Variants in ZSCAN1 observed in about 807,000 individuals in gnomAD.
The protein encoded by ZSCAN1 is zinc finger and SCAN domain containing 1, also known as zinc finger and SCAN domain-containing protein 1.
ZSCAN1 carries 23 observed loss-of-function variants against 23.8 expected under a neutral mutation model. The observed-to-expected ratio is 0.97, with a 90% CI of 0.70 to 1.37. The LOEUF (loss-of-function observed/expected upper bound fraction) is 1.37. Ranked by LOEUF, ZSCAN1 falls within the 40% of genes most tolerant of loss-of-function variation. ZSCAN1 has a pLI of 0.00. For missense variants in ZSCAN1, 575 were observed against 554.0 expected, an observed-to-expected ratio of 1.04 and a Z score of -0.38; for synonymous variants, 236 against 232.3, an observed-to-expected ratio of 1.02 and a Z score of -0.15.
At position 58,054,175 on chromosome 19, in the gene ZSCAN1, GAC is replaced by G. The variant is rs1346362660; in HGVS notation, c.*128_*129del. 7.7e-7 allele frequency: 1 copy of G among 1,292,488 alleles called. No individual in the cohort carries two copies. The highest frequency in any genetic ancestry group is 1.0e-6 in the Non-Finnish European group (1 of 975,336). The allele number at this position is 1,292,488 out of a possible 1,614,324, so 80.1% of individuals were successfully genotyped here. A position where few individuals can be genotyped will look rare whatever the true frequency, so the allele number is the denominator to read the frequency against. Reference sequence around the variant, plus strand: ...GGCCACCTTGGGACTCCTCTTGAAGGACACAAGCTGTTTCTCGGAAGACCCTG... The same window carrying G: ...GGCCACCTTGGGACTCCTCTTGAAGGACAAGCTGTTTCTCGGAAGACCCTG... On this transcript the variant is annotated 3_prime_UTR_variant, in exon 6 of 6. Coordinates refer to ENST00000282326, the MANE Select transcript of ZSCAN1 (RefSeq NM_182572.4). This position sits in a 1 kb window ranked among gnomAD's most constrained non-coding sequence, Gnocchi z 4.2.
rs1459031161 is a variant in ZSCAN1, at chr19:58,038,067, G to A, written c.231G>A (p.Met77Ile). Residue 77 changes from methionine (M) to isoleucine (I), a missense_variant, in exon 3 of 6, where the codon ATG becomes ATA. Coordinates refer to ENST00000282326, the MANE Select transcript of ZSCAN1 (RefSeq NM_182572.4). ...CCGAGGCGCGCTCCAAGGAGCAGAT[G>A]CTGGAGCTGCTGGTGCTGGAGCAGT... ...LRPEARSKEQ[M>I]LELLVLEQFL... The A allele has an allele frequency of 6.2e-7, 1 of 1,611,828 alleles. No individual in the cohort carries two copies. Among genetic ancestry groups the A allele is most frequent in the Admixed American group, 1.7e-5 (1 of 59,972 alleles).
chr19:58,035,999 G>A lies in ZSCAN1; in HGVS notation c.-122G>A, dbSNP rs1006532108. On this transcript the variant is annotated 5_prime_UTR_variant, in exon 2 of 6. Coordinates refer to ENST00000282326, the MANE Select transcript of ZSCAN1 (RefSeq NM_182572.4). Reference sequence around the variant, plus strand: ...CATGGGAGCCCGACACCATTTGGAGGAGATTCAGAGAAGTATGAACAGCAC... The same window carrying A: ...CATGGGAGCCCGACACCATTTGGAGAAGATTCAGAGAAGTATGAACAGCAC... 1 of 152,196 alleles carries A rather than the reference G, an allele frequency of 6.6e-6. No homozygotes were observed. The highest frequency in any genetic ancestry group is 6.5e-5 in the Admixed American group (1 of 15,274). The allele number at this position is 152,196 out of a possible 1,614,324, so 9.4% of individuals were successfully genotyped here.
intron 4 of ZSCAN1, among the ~76,000 whole-genome samples, chr19:58,048,009 A>T (rs146738824): frequency 6.6e-6 from 1 of 152,324 alleles, no homozygotes; most frequent in African/African-American, 2.4e-5. Flanking sequence ...GCCTCCAAGC[A>T]TAGGATTTGG....
chr19:58,041,380 G>C (rs1012674696), intron 4 of ZSCAN1, among the ~76,000 whole-genome samples: 1 of 152,226 alleles, frequency 6.6e-6, no homozygotes, highest in South Asian at 2.1e-4. Context: ...GCACACGCCT[G>C]AGCAGAACAA....
rs1181060603 is a variant in ZSCAN1, at chr19:58,037,870, A to T, written c.34A>T (p.Arg12Ter). The change falls in exon 3 of 6, where the codon AGA becomes TGA. Residue 12 changes from arginine to a stop codon, truncating the protein, a stop_gained. Coordinates refer to ENST00000282326, the MANE Select transcript of ZSCAN1 (RefSeq NM_182572.4). LOFTEE classifies it high-confidence loss of function. ...LPRPKAPASPRRPQTPTPSEQ... is the reference protein window; with the variant it reads ...LPRPKAPASP ...ACGGCCCAAAGCCCCTGCCTCCCCCAGACGCCCCCAGACCCCAACCCCGAG... is the reference window on the plus strand; with the variant it reads ...ACGGCCCAAAGCCCCTGCCTCCCCCTGACGCCCCCAGACCCCAACCCCGAG... 1.4e-6 allele frequency: 1 copy of T among 698,180 alleles called. No homozygotes were observed. Among genetic ancestry groups the T allele is most frequent in the Middle Eastern group, 3.2e-4 (1 of 3,116 alleles). The allele number at this position is 698,180 out of a possible 1,614,324, so 43.2% of individuals were successfully genotyped here.
intron 4 of ZSCAN1, chr19:58,046,906 CT>C: frequency 1.8e-6 from 1 of 540,918 alleles, no homozygotes; most frequent in Admixed American, 2.7e-5. Context: ...ATCAAGTAAA[CT>C]GTAATTTTCA....
chr19:58,046,677 T>A, intron 4 of ZSCAN1: 3 of 876,534 alleles, frequency 3.4e-6, no homozygotes, highest in Non-Finnish European at 3.9e-6. Flanking sequence ...TCTCCACCAG[T>A]CAGGTGGCCG....
intron 4 of ZSCAN1, chr19:58,046,483 G>T (rs1040172996): frequency 1.1e-5 from 9 of 856,540 alleles, no homozygotes; most frequent in Non-Finnish European, 1.6e-5. Flanking sequence ...GGCCAAGGGC[G>T]TGCCCATGGG....
chr19:58,052,352 G>A (rs974808824), intron 4 of ZSCAN1, 138 bp from the exon 5 acceptor site: 3 of 1,418,444 alleles, frequency 2.1e-6, no homozygotes, highest in African/African-American at 2.8e-5. Flanking sequence ...CAAAGCACGG[G>A]AACAACAGGC....
downstream of ZSCAN1, among the ~76,000 whole-genome samples, chr19:58,054,879 G>A (rs997423149): frequency 6.6e-6 from 1 of 152,126 alleles, no homozygotes; most frequent in Non-Finnish European, 1.5e-5. The surrounding 1 kb of genome is among the most constrained non-coding windows in gnomAD (Gnocchi z 4.2). Flanking sequence ...GCCAACATTT[G>A]TTTAAACCAT....
rs1377782067 is a variant in ZSCAN1 at position 58,047,024 on chromosome 19, G to A, written c.466-5466G>A. 2.0e-5 allele frequency among the ~76,000 whole-genome samples: 3 copies of A among 152,194 alleles called. No homozygotes were observed. The highest frequency in any genetic ancestry group is 1.9e-4 in the East Asian group (1 of 5,200). Reference sequence around the variant, plus strand: ...GCCACGGCCTCCTGGCTCCAGAGGCGGCTGGGCCAAGGCAGGAAGGTGCCC... The same window carrying A: ...GCCACGGCCTCCTGGCTCCAGAGGCAGCTGGGCCAAGGCAGGAAGGTGCCC... On this transcript the variant is annotated intron_variant, in intron 4 of 5. Coordinates refer to ENST00000282326, the MANE Select transcript of ZSCAN1 (RefSeq NM_182572.4). The surrounding 1 kb of genome is among the most constrained non-coding windows in gnomAD (Gnocchi z 4.9).
At chr19:58,042,206 AC>A (rs764526314) in intron 4 of ZSCAN1, among the ~76,000 whole-genome samples, 6 of 150,976 alleles carry the variant, frequency 4.0e-5, no homozygotes, top group Non-Finnish European at 8.9e-5. Context: ...AAGAGAAGTT[AC>A]TATTTATTCC....
chr19:58,038,446 G>C, intron 3 of ZSCAN1: 1 of 615,476 alleles, frequency 1.6e-6, no homozygotes, highest in Non-Finnish European at 2.8e-6. Flanking sequence ...TTTCCCATGC[G>C]TCCATCTGTC....
chr19:58,051,960 T>G (rs1024588477), intron 4 of ZSCAN1, among the ~76,000 whole-genome samples: 1 of 152,170 alleles, frequency 6.6e-6, no homozygotes, highest in African/African-American at 2.4e-5. Context: ...CGGGACACGG[T>G]TAGGTGCATC....
At chr19:58,039,770 C>CAAAAAAAA (rs67254346) in intron 3 of ZSCAN1, among the ~76,000 whole-genome samples, 1 of 83,300 alleles carries the variant, frequency 1.2e-5, no homozygotes, top group African/African-American at 4.5e-5. Context: ...GACTCCGTCT[C>CAAAAAAAA]AAAAAAAAAA....
rs1443787108 is a variant in ZSCAN1 at position 58,053,114 on chromosome 19, C to T, written c.605-315C>T. On this transcript the variant is annotated intron_variant, in intron 5 of 5. Transcript: ENST00000282326. This position sits in a 1 kb window ranked among gnomAD's most constrained non-coding sequence, Gnocchi z 5.8. ...AGCTGGGATTACAGGCGCACACCAC[C>T]ACGCCCAGCTAATTTTTGTATTTTA... is the stretch of plus-strand genomic sequence containing the variant. 1.3e-5 allele frequency among the ~76,000 whole-genome samples: 2 copies of T among 152,084 alleles called. No homozygotes were observed. The highest frequency in any genetic ancestry group is 6.5e-5 in the Admixed American group (1 of 15,274).
At chr19:58,037,079 G>C (rs1337613822) in intron 2 of ZSCAN1, among the ~76,000 whole-genome samples, 2 of 152,290 alleles carry the variant, frequency 1.3e-5, no homozygotes, top group Admixed American at 6.5e-5. Context: ...CCCCCAGCTT[G>C]GACCTGGTAG....
chr19:58,045,884 T>G lies in ZSCAN1; in HGVS notation c.465+5340T>G. ...CAGCTCAAGTCCACACTGCAGACTC[T>G]CCCAGAGATTGTGGCAAAGGAAGCA... On this transcript the variant is annotated intron_variant, in intron 4 of 5. Coordinates refer to ENST00000282326, the MANE Select transcript of ZSCAN1 (RefSeq NM_182572.4). The surrounding 1 kb of genome is among the most constrained non-coding windows in gnomAD (Gnocchi z 4.3). The G allele has an allele frequency of 9.9e-7, 1 of 1,006,398 alleles. No individual in the cohort carries two copies. The highest frequency in any genetic ancestry group is 1.6e-6 in the Non-Finnish European group (1 of 626,522). The allele number at this position is 1,006,398 out of a possible 1,614,324, so 62.3% of individuals were successfully genotyped here. A position where few individuals can be genotyped will look rare whatever the true frequency, so the allele number is the denominator to read the frequency against.
Position 58,036,290 on chromosome 19 carries a change from T to A in ZSCAN1, c.-110+279T>A, listed in dbSNP as rs537293626. On this transcript the variant is annotated intron_variant, in intron 2 of 5. Transcript: ENST00000282326. ...CCTGAATCTCGCATCTTGCACGCAG[T>A]CTACCAAGTGTTCTTGATATATAAA... Among the ~76,000 whole-genome samples, 9 of 152,286 alleles carry A rather than the reference T, an allele frequency of 5.9e-5. No homozygotes were observed. In the East Asian group the frequency reaches 1.7e-3, roughly 29 times the overall value.
Sources: gnomAD v4.1 joint callset for allele counts (sites outside exome capture counted in the v4.1 genomes callset) on GRCh38, gnomAD v4.1.1 for gene constraint, Gnocchi (gnomAD v3.1) non-coding constraint, MANE v1.5 for transcripts, NCBI Gene and HGNC (gene_info 2026-07-23, HGNC 2026-07-21) for gene names.